Variants in LRMDA observed in about 807,000 individuals in gnomAD.
The protein encoded by LRMDA is leucine-rich melanocyte differentiation-associated protein.
Under a neutral mutation model 29.8 loss-of-function variants are expected in LRMDA, and 18 were observed. The observed-to-expected ratio is 0.60, with a 90% CI of 0.42 to 0.90. The LOEUF (loss-of-function observed/expected upper bound fraction) is 0.90. LRMDA is among the 40% of genes least tolerant of loss of function. The pLI is 0.00. For synonymous variants in LRMDA, 125 were observed against 109.4 expected, an observed-to-expected ratio of 1.14 and a Z score of -0.89; for missense variants, 273 against 273.9, an observed-to-expected ratio of 1.00 and a Z score of 0.02.
At chr10:75,782,672 G>A (rs375310719) in intron 2 of LRMDA, 22 of 1,081,188 alleles carry the variant, frequency 2.0e-5, no homozygotes, top group African/African-American at 3.2e-5. Flanking sequence ...CCTCGCTGCC[G>A]GTGCAGTTCC....
intron 2 of LRMDA, among the ~76,000 whole-genome samples, chr10:75,696,099 G>A (rs1842230827): frequency 6.6e-6 from 1 of 152,102 alleles, no homozygotes; most frequent in Non-Finnish European, 1.5e-5. Flanking sequence ...TAATAGTAGG[G>A]TAAATAATAA....
chr10:76,413,396 T>C (rs1483227579), intron 6 of LRMDA, among the ~76,000 whole-genome samples: 3 of 152,150 alleles, frequency 2.0e-5, no homozygotes, highest in Non-Finnish European at 4.4e-5. Flanking sequence ...GACCTCATAA[T>C]CATTGAGGAG....
intron 6 of LRMDA, among the ~76,000 whole-genome samples, chr10:76,552,471 C>G (rs1158928973): frequency 6.6e-6 from 1 of 152,136 alleles, no homozygotes; most frequent in Non-Finnish European, 1.5e-5. Flanking sequence ...TGACTTAGTC[C>G]AAATCAATTT....
intron 2 of LRMDA, among the ~76,000 whole-genome samples, chr10:75,460,389 C>G (rs1844570871): frequency 6.6e-6 from 1 of 152,086 alleles, no homozygotes; most frequent in Non-Finnish European, 1.5e-5. Flanking sequence ...TGGAGAAACT[C>G]TGAAAGCCCC....
At chr10:76,408,883 A>G (rs574224270) in intron 6 of LRMDA, among the ~76,000 whole-genome samples, 1 of 152,250 alleles carries the variant, frequency 6.6e-6, no homozygotes, top group South Asian at 2.1e-4. Context: ...CACATTATAA[A>G]CATGCACAGA....
intron 2 of LRMDA, among the ~76,000 whole-genome samples, chr10:75,737,795 C>A (rs1842784020): frequency 1.3e-5 from 2 of 152,176 alleles, no homozygotes; most frequent in African/African-American, 4.8e-5. Context: ...AATCCTGAAG[C>A]CCTGTTCTGG....
intron 2 of LRMDA, among the ~76,000 whole-genome samples, chr10:75,673,801 C>G (rs890499097): frequency 6.6e-6 from 1 of 152,196 alleles, no homozygotes; most frequent in African/African-American, 2.4e-5. Context: ...ATTTCTCACC[C>G]TTTATATAGC....
Position 75,794,147 on chromosome 10 carries a change from G to T in LRMDA, c.132-241861G>T, listed in dbSNP as rs996628417. On this transcript the variant is annotated intron_variant, in intron 2 of 6. Transcript: ENST00000611255. ...TCAAGCTATTCCTGACTGATACTTTGCCCAACTAGCTTTTCTTTTTAAATA... is the reference window on the plus strand; with the variant it reads ...TCAAGCTATTCCTGACTGATACTTTTCCCAACTAGCTTTTCTTTTTAAATA... Among the ~76,000 whole-genome samples the T allele has an allele frequency of 3.3e-5, 5 of 152,160 alleles. No homozygotes were observed. In the East Asian group the frequency reaches 5.8e-4, roughly 18 times the overall value.
At chr10:75,920,272 T>C (rs1027811282) in intron 2 of LRMDA, among the ~76,000 whole-genome samples, 1 of 152,182 alleles carries the variant, frequency 6.6e-6, no homozygotes, top group African/African-American at 2.4e-5. Flanking sequence ...GATTTGAGAT[T>C]ACCCCCAGGA....
intron 5 of LRMDA, among the ~76,000 whole-genome samples, chr10:76,175,796 A>T (rs1589364138): frequency 6.6e-6 from 1 of 152,166 alleles, no homozygotes; most frequent in South Asian, 2.1e-4. Flanking sequence ...TTTGTTAGAG[A>T]TGCGCCCAGT....
chr10:76,006,983 C>CGTGTGTGTGTGTGTGTGTGTGTGT lies in LRMDA; in HGVS notation c.132-28999_132-28976dup, dbSNP rs572881040. On this transcript the variant is annotated intron_variant, in intron 2 of 6. Coordinates refer to ENST00000611255, the MANE Select transcript of LRMDA (RefSeq NM_001305581.2). ...GCTAAAGTTTGCAGGATGGAGAAGG[C>CGTGTGTGTGTGTGTGTGTGTGTGT]GTGTGTGTGTGTGTGTGTGTGTGTG... is the stretch of plus-strand genomic sequence containing the variant. 1.0e-3 allele frequency among the ~76,000 whole-genome samples: 120 copies of CGTGTGTGTGTGTGTGTGTGTGTGT among 116,188 alleles called. 3 individuals are homozygous for CGTGTGTGTGTGTGTGTGTGTGTGT. Among genetic ancestry groups the CGTGTGTGTGTGTGTGTGTGTGTGT allele is most frequent in the African/African-American group, 2.4e-3 (67 of 27,948 alleles). The allele number at this position is 116,188 out of a possible 152,430, so 76.2% of individuals were successfully genotyped here.
intron 2 of LRMDA, among the ~76,000 whole-genome samples, chr10:75,875,748 A>G (rs1845186304): frequency 6.6e-6 from 1 of 152,240 alleles, no homozygotes; most frequent in Admixed American, 6.5e-5. Flanking sequence ...TTCTTTTTAA[A>G]GAAAGAGAAA....
intron 5 of LRMDA, among the ~76,000 whole-genome samples, chr10:76,251,477 C>T (rs1415580255): frequency 4.0e-5 from 6 of 151,458 alleles, no homozygotes; most frequent in Admixed American, 3.9e-4. Context: ...TGGTCTCGAT[C>T]TCCTGACCTC....
chr10:76,145,210 G>T (rs555854409), intron 5 of LRMDA, among the ~76,000 whole-genome samples: 9 of 152,314 alleles, frequency 5.9e-5, no homozygotes, highest in African/African-American at 2.2e-4. Context: ...CTCATAAAAT[G>T]AGTTAGGGAG....
rs377622603 is a variant in LRMDA, at chr10:75,993,305, TGGAGGAGGA to T, written c.132-42693_132-42685del. The stretch of plus-strand genomic sequence containing the variant: ...TTGCTCTCATTGCTGCTGATGATGA[TGGAGGAGGA>T]GGAGGAGGATACTATGTTAGCATTT... On this transcript the variant is annotated intron_variant, in intron 2 of 6. Transcript: ENST00000611255. Among the ~76,000 whole-genome samples, 1,145 of 152,142 alleles carry T rather than the reference TGGAGGAGGA, an allele frequency of 7.5e-3. 36 individuals are homozygous for T. Among genetic ancestry groups the T allele is most frequent in the Admixed American group, 0.059 (903 of 15,278 alleles).
chr10:76,358,900 CTG>C (rs999790715), intron 6 of LRMDA, among the ~76,000 whole-genome samples: 1 of 152,164 alleles, frequency 6.6e-6, no homozygotes, highest in Non-Finnish European at 1.5e-5. Flanking sequence ...TTGAATAACT[CTG>C]TTGCTTGGTT....
intron 2 of LRMDA, among the ~76,000 whole-genome samples, chr10:75,759,386 A>G (rs561319309): frequency 2.6e-5 from 4 of 152,328 alleles, no homozygotes; most frequent in South Asian, 2.1e-4. Flanking sequence ...CTTATACTCT[A>G]TAGACCCATT....
At chr10:75,641,581 T>A (rs996967224) in intron 2 of LRMDA, among the ~76,000 whole-genome samples, 6 of 152,086 alleles carry the variant, frequency 3.9e-5, no homozygotes, top group Non-Finnish European at 8.8e-5. Context: ...CAATGCAGCC[T>A]CGACCTCCTG....
At chr10:76,429,092 G>A (rs990576958) in intron 6 of LRMDA, among the ~76,000 whole-genome samples, 1 of 151,082 alleles carries the variant, frequency 6.6e-6, no homozygotes, top group South Asian at 2.1e-4. Flanking sequence ...CCTTTTTCAA[G>A]ATAGGAGGAA....
Sources: allele counts gnomAD v4.1 joint callset (sites outside exome capture counted in the v4.1 genomes callset), GRCh38; gene constraint gnomAD v4.1.1; transcripts MANE v1.5; gene names NCBI Gene and HGNC (gene_info 2026-07-23, HGNC 2026-07-21).